Variants in SGMS1 observed in about 807,000 individuals in gnomAD.
SGMS1 encodes sphingomyelin synthase 1, also known as phosphatidylcholine:ceramide cholinephosphotransferase 1.
SGMS1 carries 13 observed loss-of-function variants against 46.2 expected under a neutral mutation model. The observed-to-expected ratio is 0.28, with a 90% CI of 0.18 to 0.45. The LOEUF is 0.45. Among genes scored for constraint, SGMS1 ranks in the 20% least tolerant of loss-of-function variants. SGMS1 has a pLI of 1.00. For missense variants in SGMS1, 324 were observed against 519.9 expected, an observed-to-expected ratio of 0.62 and a Z score of 3.66; for synonymous variants, 203 against 187.8, an observed-to-expected ratio of 1.08 and a Z score of -0.66.
chr10:50,441,658 A>G (rs1306371864), intron 5 of SGMS1, among the ~76,000 whole-genome samples: 1 of 152,252 alleles, frequency 6.6e-6, no homozygotes. Flanking sequence ...AAGGCTATTT[A>G]TCTACTTTCT....
intron 2 of SGMS1, among the ~76,000 whole-genome samples, chr10:50,527,598 G>T (rs1251460153): frequency 1.3e-5 from 2 of 152,124 alleles, no homozygotes; most frequent in Non-Finnish European, 2.9e-5. Context: ...CTAAGAACTA[G>T]AGTGAGAACA....
At chr10:50,456,238 AT>A (rs1837189295) in intron 5 of SGMS1, among the ~76,000 whole-genome samples, 1 of 150,898 alleles carries the variant, frequency 6.6e-6, no homozygotes, top group Non-Finnish European at 1.5e-5. Flanking sequence ...CATAAAACAT[AT>A]AAAGGCAGAG....
intron 2 of SGMS1, among the ~76,000 whole-genome samples, chr10:50,528,054 TTGC>T (rs1346856301): frequency 4.6e-5 from 7 of 152,316 alleles, no homozygotes; most frequent in South Asian, 2.1e-4. Context: ...AAATAAATTG[TTGC>T]TGCTATTTTG....
At chr10:50,537,439 T>TTA (rs1224796799) in intron 2 of SGMS1, among the ~76,000 whole-genome samples, 44 of 140,408 alleles carry the variant, frequency 3.1e-4, no homozygotes, top group East Asian at 9.2e-4. Context: ...TTTTTTTTCT[T>TTA]TATATATATA....
At chr10:50,353,718 G>A (rs1220640715) in intron 6 of SGMS1, among the ~76,000 whole-genome samples, 1 of 152,286 alleles carries the variant, frequency 6.6e-6, no homozygotes, top group Non-Finnish European at 1.5e-5. Context: ...ATCTCCTTAA[G>A]CTGATAGGCA....
intron 5 of SGMS1, among the ~76,000 whole-genome samples, chr10:50,446,333 T>C (rs61741330): frequency 0.17 from 26,466 of 152,162 alleles, 2,630 homozygotes; most frequent in Admixed American, 0.24. Flanking sequence ...CAACATGTGA[T>C]GTCTCCCCCA....
chr10:50,531,926 T>A (rs1303203777), intron 2 of SGMS1, among the ~76,000 whole-genome samples: 2 of 152,192 alleles, frequency 1.3e-5, no homozygotes, highest in Non-Finnish European at 2.9e-5. Context: ...AGCATGCAAG[T>A]GGTCAAGCCA....
chr10:50,336,628 C>A (rs534348767), intron 7 of SGMS1, among the ~76,000 whole-genome samples: 2 of 152,054 alleles, frequency 1.3e-5, no homozygotes, highest in East Asian at 3.9e-4. Context: ...GTCCTATGCA[C>A]GTGGCATCTA....
intron 8 of SGMS1, among the ~76,000 whole-genome samples, chr10:50,312,489 A>C (rs1424541489): frequency 1.3e-5 from 2 of 152,180 alleles, no homozygotes; most frequent in Non-Finnish European, 2.9e-5. Context: ...GAATCTGGGG[A>C]CTAAGAAGAG....
intron 2 of SGMS1, among the ~76,000 whole-genome samples, chr10:50,537,214 T>C (rs975961697): frequency 2.3e-4 from 35 of 152,142 alleles, no homozygotes; most frequent in African/African-American, 8.4e-4. Context: ...AAACCTTTGT[T>C]TTTTCCACAC....
chr10:50,397,964 C>A (rs1335856267), intron 6 of SGMS1, among the ~76,000 whole-genome samples: 1 of 152,160 alleles, frequency 6.6e-6, no homozygotes. Flanking sequence ...CGCTCTTCAG[C>A]ATGTGACTTG....
chr10:50,435,725 A>G (rs2133624234), intron 5 of SGMS1, among the ~76,000 whole-genome samples: 1 of 152,322 alleles, frequency 6.6e-6, no homozygotes, highest in East Asian at 1.9e-4. Flanking sequence ...CTCATAAGCA[A>G]CAGTATGGAT....
intron 6 of SGMS1, among the ~76,000 whole-genome samples, chr10:50,354,301 T>A (rs1448036114): frequency 1.3e-5 from 2 of 152,266 alleles, no homozygotes; most frequent in Admixed American, 1.3e-4. Flanking sequence ...TCCACAACTA[T>A]CTGATCTTTG....
intron 5 of SGMS1, among the ~76,000 whole-genome samples, chr10:50,456,543 C>T (rs904365873): frequency 1.3e-5 from 2 of 152,142 alleles, no homozygotes; most frequent in South Asian, 4.1e-4. Context: ...CAGCTGTAAT[C>T]AACTTCTCAG....
chr10:50,533,385 A>G (rs879759472), intron 2 of SGMS1, among the ~76,000 whole-genome samples: 1 of 152,200 alleles, frequency 6.6e-6, no homozygotes, highest in Non-Finnish European at 1.5e-5. Context: ...TGACTTTAAT[A>G]TAACAGTCCT....
intron 2 of SGMS1, among the ~76,000 whole-genome samples, chr10:50,567,226 T>C (rs1838296380): frequency 6.6e-6 from 1 of 152,226 alleles, no homozygotes. Context: ...ATTACAGATG[T>C]GAGCCATCGC....
chr10:50,558,779 C>T (rs1258482063), intron 2 of SGMS1, among the ~76,000 whole-genome samples: 3 of 152,146 alleles, frequency 2.0e-5, no homozygotes, highest in Non-Finnish European at 2.9e-5. Context: ...ACCTAATGAA[C>T]AGTAAATATA....
Position 50,420,201 on chromosome 10 carries a change from C to T in SGMS1, c.-232+13275G>A, listed in dbSNP as rs74132712. ...AATCTCTCTTGACTCTCATATTCCTCATAAAGGTAATGTTACTCTCCTAGA... is the reference window on the plus strand; with the variant it reads ...AATCTCTCTTGACTCTCATATTCCTTATAAAGGTAATGTTACTCTCCTAGA... On this transcript the variant is annotated intron_variant, in intron 6 of 10. Transcript: ENST00000361781. 8.6e-3 allele frequency among the ~76,000 whole-genome samples: 1,312 copies of T among 152,320 alleles called. 8 individuals carry two copies. The highest frequency in any genetic ancestry group is 0.029 in the African/African-American group (1,216 of 41,568).
chr10:50,466,078 T>C (rs1281428251), intron 4 of SGMS1, among the ~76,000 whole-genome samples: 1 of 152,114 alleles, frequency 6.6e-6, no homozygotes, highest in Non-Finnish European at 1.5e-5. Flanking sequence ...AGGAAATCAA[T>C]GCATAAGTCT....
Sources: gnomAD v4.1 joint callset for allele counts (sites outside exome capture counted in the v4.1 genomes callset) on GRCh38, gnomAD v4.1.1 for gene constraint, MANE v1.5 for transcripts, NCBI Gene and HGNC (gene_info 2026-07-23, HGNC 2026-07-21) for gene names.